Variants in NLK observed in about 807,000 individuals in gnomAD.
NLK encodes nemo like kinase.
In NLK, 11 loss-of-function variants were observed where a neutral mutation model predicts 59.0. The ratio of observed to expected loss-of-function variants is 0.19; its 90% CI spans 0.12 to 0.31. The LOEUF (loss-of-function observed/expected upper bound fraction) is 0.31. NLK is among the 10% of genes least tolerant of loss of function. NLK has a pLI of 1.00. For missense variants in NLK, 410 were observed against 661.1 expected, an observed-to-expected ratio of 0.62 and a Z score of 4.16; for synonymous variants, 235 against 235.9, an observed-to-expected ratio of 1.00 and a Z score of 0.03.
chr17:28,079,334 A>G (rs1440570651), intron 1 of NLK, among the ~76,000 whole-genome samples: 5 of 152,238 alleles, frequency 3.3e-5, no homozygotes, highest in Non-Finnish European at 7.3e-5. Flanking sequence ...AGATATGCAA[A>G]TATCTCTTTG....
chr17:28,194,455 G>A (rs1909414906), intron 10 of NLK, 127 bp from the exon 11 acceptor site: 1 of 667,600 alleles, frequency 1.5e-6, no homozygotes, highest in Non-Finnish European at 2.5e-6. Flanking sequence ...CAACTTCAAA[G>A]AAACAAATAA....
intron 1 of NLK, among the ~76,000 whole-genome samples, chr17:28,054,770 G>A (rs1428051171): frequency 6.6e-6 from 1 of 152,206 alleles, no homozygotes; most frequent in African/African-American, 2.4e-5. Flanking sequence ...GGGATAGTAT[G>A]ATTTAGTAGT....
intron 8 of NLK, among the ~76,000 whole-genome samples, chr17:28,190,636 G>A (rs879542008): frequency 3.3e-5 from 5 of 152,096 alleles, no homozygotes; most frequent in Admixed American, 1.3e-4. Context: ...GCATCTTCAG[G>A]ATGCTGACAC....
chr17:28,193,491 C>CT (rs1326229104), intron 10 of NLK, among the ~76,000 whole-genome samples: 1 of 152,146 alleles, frequency 6.6e-6, no homozygotes, highest in Non-Finnish European at 1.5e-5. Context: ...CTTCCTGATG[C>CT]TACAGCCTTG....
chr17:28,156,782 A>T (rs1252039784), intron 3 of NLK, among the ~76,000 whole-genome samples: 3 of 152,174 alleles, frequency 2.0e-5, no homozygotes, highest in African/African-American at 7.2e-5. Context: ...CATATCACAA[A>T]CATAATATTC....
rs760364581 is a variant in NLK, at chr17:28,168,465, G to A, written c.855G>A (p.Leu285=). The A allele has an allele frequency of 1.2e-6, 2 of 1,612,746 alleles. No individual in the cohort carries two copies. Among genetic ancestry groups the A allele is most frequent in the Non-Finnish European group, 1.7e-6 (2 of 1,178,864 alleles). ...CTGTCTAGATTTGTGATTTTGGATT[G>A]GCCAGAGTGGAAGAATTAGATGAAT... is the stretch of plus-strand genomic sequence containing the variant. ...NCVLKICDFG[L]ARVEELDESR... The change falls in exon 6 of 11, where the codon TTG becomes TTA. Residue 285 remains leucine, a synonymous_variant. Transcript: ENST00000407008.
chr17:28,205,450 G>C, the NLK span, among the ~76,000 whole-genome samples: 1 of 152,046 alleles, frequency 6.6e-6, no homozygotes, highest in Non-Finnish European at 1.5e-5. Context: ...GTGAAAAAGA[G>C]AAACAAGAAG....
intron 1 of NLK, among the ~76,000 whole-genome samples, chr17:28,094,366 A>C (rs1346123079): frequency 6.6e-6 from 1 of 152,190 alleles, no homozygotes. Flanking sequence ...TTTCTCTTTT[A>C]CACCTTTGAA....
rs188586198 is a variant in NLK at position 28,148,428 on chromosome 17, G to A, written c.645-12732G>A. The stretch of plus-strand genomic sequence containing the variant: ...GTGCAGGGAAAATGTTTCTTGTATC[G>A]TCAAGATTATTTTTATAATTTGACT... On this transcript the variant is annotated intron_variant, in intron 3 of 10. Transcript: ENST00000407008. Among the ~76,000 whole-genome samples, 10 of 152,212 alleles carry A rather than the reference G, an allele frequency of 6.6e-5. No individual in the cohort carries two copies. In the East Asian group the frequency reaches 1.3e-3, roughly 21 times the overall value.
At chr17:28,058,569 TG>T (rs1366946534) in intron 1 of NLK, among the ~76,000 whole-genome samples, 5 of 152,172 alleles carry the variant, frequency 3.3e-5, no homozygotes, top group African/African-American at 1.2e-4. Flanking sequence ...GGTCCCATGA[TG>T]GGTGCCTGTT....
chr17:28,068,086 A>G (rs779346722), intron 1 of NLK, among the ~76,000 whole-genome samples: 10 of 151,422 alleles, frequency 6.6e-5, no homozygotes, highest in Non-Finnish European at 1.5e-4. Flanking sequence ...GGTTGCAGTA[A>G]GCCGAGAGGG....
In NLK at chr17:28,132,635, G is replaced by T; in HGVS notation, c.604G>T (p.Asp202Tyr). ...CTTTTCTCAGGTACTCTCTGCCCTTGACATACTCCAACCTCCACACATTGA... is the reference window on the plus strand; with the variant it reads ...CTTTTCTCAGGTACTCTCTGCCCTTTACATACTCCAACCTCCACACATTGA... ...FKHDNVLSAL[D>Y]ILQPPHIDYF... The change falls in exon 3 of 11, where the codon GAC (aspartate) becomes TAC (tyrosine). Residue 202 changes from aspartate (D) to tyrosine (Y), a missense_variant. This residue lies in a region of NLK where 73 missense variants were observed against 197.2 expected (regional missense o/e 0.37). Transcript: ENST00000407008. The T allele has an allele frequency of 6.2e-7, 1 of 1,609,666 alleles. No individual in the cohort carries two copies. The highest frequency in any genetic ancestry group is 8.5e-7 in the Non-Finnish European group (1 of 1,177,804).
chr17:28,147,700 T>C lies in NLK; in HGVS notation c.645-13460T>C, dbSNP rs1279544208. Among the ~76,000 whole-genome samples the C allele has an allele frequency of 2.6e-5, 4 of 152,214 alleles. No homozygotes were observed. In the East Asian group the frequency reaches 7.7e-4, roughly 29 times the overall value. On this transcript the variant is annotated intron_variant, in intron 3 of 10. Coordinates refer to ENST00000407008, the MANE Select transcript of NLK (RefSeq NM_016231.5). ...TTGATATCTCTAATATGTTCCCACC[T>C]AATGTCCTTGATCTTCAGAAGATGT...
At chr17:28,103,339 A>G (rs191914246) in intron 1 of NLK, among the ~76,000 whole-genome samples, 23 of 152,338 alleles carry the variant, frequency 1.5e-4, no homozygotes, top group African/African-American at 5.3e-4. Flanking sequence ...TTTGCACTCA[A>G]ACTTTCTAAG....
intron 3 of NLK, among the ~76,000 whole-genome samples, chr17:28,138,164 G>A (rs567754013): frequency 6.6e-6 from 1 of 152,224 alleles, no homozygotes; most frequent in South Asian, 2.1e-4. Context: ...ACATTAACAG[G>A]CCCCTTCCCA....
At chr17:28,112,450 G>T (rs1216566400) in intron 1 of NLK, among the ~76,000 whole-genome samples, 1 of 152,102 alleles carries the variant, frequency 6.6e-6, no homozygotes, top group African/African-American at 2.4e-5. Context: ...GCTGACCCAA[G>T]CTGTGACTCC....
At chr17:28,118,487 T>C (rs1286020849) in intron 1 of NLK, among the ~76,000 whole-genome samples, 2 of 152,236 alleles carry the variant, frequency 1.3e-5, no homozygotes, top group Non-Finnish European at 2.9e-5. Flanking sequence ...TTGGAGATTC[T>C]TGCTGACTAG....
chr17:28,186,608 G>C (rs550153539), intron 8 of NLK, among the ~76,000 whole-genome samples: 2 of 150,954 alleles, frequency 1.3e-5, no homozygotes, highest in South Asian at 4.2e-4. Context: ...GAGGTGAGGA[G>C]GAGCAAGTCA....
chr17:28,114,742 G>A (rs550677190), intron 1 of NLK, among the ~76,000 whole-genome samples: 6 of 152,248 alleles, frequency 3.9e-5, no homozygotes, highest in African/African-American at 1.4e-4. Context: ...TGTGGAGTAG[G>A]TTTGGAGGTT....
Sources: gnomAD v4.1 joint callset for allele counts (sites outside exome capture counted in the v4.1 genomes callset) on GRCh38, gnomAD v4.1.1 for gene constraint, gnomAD v4.1.1 regional missense constraint, MANE v1.5 for transcripts, NCBI Gene and HGNC (gene_info 2026-07-23, HGNC 2026-07-21) for gene names.